The following AFF1 variants were observed in gnomAD, a reference collection of about 807,000 sequenced individuals.
AFF1 encodes AF4/FMR2 family member 1.
AFF1 carries 48 observed loss-of-function variants against 121.7 expected under a neutral mutation model. That is an observed-to-expected ratio of 0.39 (90% CI 0.31 to 0.50). The LOEUF (loss-of-function observed/expected upper bound fraction) is 0.50, where lower values mean the gene tolerates loss of function less well. AFF1 is among the 20% of genes least tolerant of loss of function. AFF1 has a pLI of 0.76. For synonymous variants in AFF1, 613 were observed against 563.0 expected (o/e 1.09, Z -1.26); for missense variants, 1,523 against 1,511.7 (o/e 1.01, Z -0.12).
intron 5 of AFF1, among the ~76,000 whole-genome samples, chr4:87,085,818 A>C (rs1268183059): frequency 6.6e-6 from 1 of 150,602 alleles, no homozygotes; most frequent in Non-Finnish European, 1.5e-5. Flanking sequence ...TGGCCACTGC[A>C]ATCTCCACCT....
rs906975716 is a variant in AFF1 at position 87,136,572 on chromosome 4, C to G, written c.*871C>G. ...CAGGGCAGTCACTGTTGACTCTATT[C>G]TGAATTTCCTCCCTTGGGGAAGAAG... On this transcript the variant is annotated 3_prime_UTR_variant, in exon 21 of 21. Coordinates refer to ENST00000395146, the MANE Select transcript of AFF1 (RefSeq NM_001166693.3). 8.6e-6 allele frequency: 2 copies of G among 231,434 alleles called. No individual in the cohort carries two copies. The highest frequency in any genetic ancestry group is 4.4e-5 in the African/African-American group (2 of 45,224). The allele number at this position is 231,434 out of a possible 1,614,324, so 14.3% of individuals were successfully genotyped here. A position where few individuals can be genotyped will look rare whatever the true frequency, so the allele number is the denominator to read the frequency against.
chr4:87,028,458 A>G (rs187659993), intron 2 of AFF1, among the ~76,000 whole-genome samples: 4 of 152,234 alleles, frequency 2.6e-5, no homozygotes, highest in South Asian at 4.1e-4. Flanking sequence ...TGGGAAGATG[A>G]TTAGAAGAAG....
rs200864767 is a variant in AFF1, at chr4:87,047,227, C to A, written c.692C>A (p.Thr231Lys). The change falls in exon 4 of 21, where the codon ACG becomes AAG. Residue 231 changes from threonine to lysine, a missense_variant. Thr to Lys is a moderately conservative substitution (Grantham distance 78). Transcript: ENST00000395146. The stretch of plus-strand genomic sequence containing the variant: ...TCCAACCAGCAAACTCTTCCCCGGA[C>A]GCAAGGAAGCAGCAAGGTTCATGGC... The part of the protein sequence containing the change: ...IHSNQQTLPR[T>K]QGSSKVHGSS... 6.2e-7 allele frequency: 1 copy of A among 1,614,164 alleles called. No individual in the cohort carries two copies. Among genetic ancestry groups the A allele is most frequent in the Non-Finnish European group, 8.5e-7 (1 of 1,180,024 alleles).
chr4:86,947,829 T>TTG (rs10668124), intron 1 of AFF1, among the ~76,000 whole-genome samples: 3 of 151,532 alleles, frequency 2.0e-5, no homozygotes, highest in Non-Finnish European at 4.4e-5. Flanking sequence ...GTTTTTTTTT[T>TTG]GTTTTGATTA....
At chr4:87,099,002 T>C (rs1725150493) in intron 8 of AFF1, among the ~76,000 whole-genome samples, 1 of 152,196 alleles carries the variant, frequency 6.6e-6, no homozygotes, top group South Asian at 2.1e-4. Context: ...TAATATAAAA[T>C]TGTCACATCA....
Position 87,134,713 on chromosome 4 carries a change from G to A in AFF1, c.3535+19G>A, listed in dbSNP as rs1234430623. 5.0e-6 allele frequency: 8 copies of A among 1,587,600 alleles called. No individual in the cohort carries two copies. The Middle Eastern group carries it at 5.0e-4, about 99-fold the overall frequency. On this transcript the variant is annotated intron_variant, in intron 20 of 20. Coordinates refer to ENST00000395146, the MANE Select transcript of AFF1 (RefSeq NM_001166693.3). ...AATAAAGGTAAATAAATGGCTTTGT[G>A]GTGGTAATTACTGGGGTGTTTGGAT...
intron 2 of AFF1, among the ~76,000 whole-genome samples, chr4:86,949,230 A>C (rs1721092222): frequency 6.8e-6 from 1 of 147,608 alleles, no homozygotes. Context: ...GCTGGAGTGC[A>C]GTGGTGTGAC....
chr4:87,020,319 G>A (rs780808246), intron 2 of AFF1, among the ~76,000 whole-genome samples: 4 of 152,124 alleles, frequency 2.6e-5, no homozygotes, highest in Admixed American at 6.5e-5. Context: ...AAGAAAGAAC[G>A]TATTTGCTTT....
rs761500677 is a variant in AFF1, at chr4:87,134,610, T to G, written c.3451T>G (p.Ser1151Ala). The change falls in exon 20 of 21, where the codon TCT becomes GCT. Residue 1151 changes from serine to alanine, a missense_variant. Physicochemically the swap from Ser to Ala is moderately conservative, Grantham distance 99. This residue lies in a region of AFF1 where 241 missense variants were observed against 265.2 expected (regional missense o/e 0.91). Transcript: ENST00000395146. ...STPVTIQNMT[S>A]SYVTITSHVL... ...CCCAGTCACCATCCAGAATATGACA[T>G]CTTCCTATGTCACCATCACATCCCA... is the stretch of plus-strand genomic sequence containing the variant. 3.7e-6 allele frequency: 6 copies of G among 1,614,074 alleles called. No individual in the cohort carries two copies. The highest frequency in any genetic ancestry group is 1.6e-4 in the Middle Eastern group (1 of 6,084).
At chr4:86,948,666 T>G in intron 2 of AFF1, 95 bp downstream of exon 2, 2 of 1,230,790 alleles carry the variant, frequency 1.6e-6, no homozygotes, top group Non-Finnish European at 2.2e-6. Flanking sequence ...ATTTTGCAAC[T>G]TAAGAACTCA....
intron 12 of AFF1, among the ~76,000 whole-genome samples, chr4:87,115,957 C>T (rs1263708789): frequency 2.6e-5 from 4 of 152,076 alleles, no homozygotes; most frequent in African/African-American, 9.7e-5. Context: ...TACCACCTGA[C>T]CCATTAGGTT....
At chr4:87,022,662 G>GTGTGTGTATATATAGC (rs1553918502) in intron 2 of AFF1, among the ~76,000 whole-genome samples, 1 of 74,106 alleles carries the variant, frequency 1.3e-5, no homozygotes, top group African/African-American at 4.3e-5. Context: ...GTATATATAT[G>GTGTGTGTATATATAGC]TGTGTGTATA....
chr4:86,948,434 C>T (rs923212396), intron 1 of AFF1, 64 bp from the exon 2 acceptor site: 1 of 1,090,214 alleles, frequency 9.2e-7, no homozygotes. Flanking sequence ...TCTTACAGGT[C>T]ATGCGTATCC....
chr4:87,112,875 C>T (rs1284759292), intron 11 of AFF1, among the ~76,000 whole-genome samples: 1 of 152,160 alleles, frequency 6.6e-6, no homozygotes, highest in African/African-American at 2.4e-5. Flanking sequence ...GACATAAGGA[C>T]AGCGATGTAT....
At chr4:87,119,124 A>T (rs898984112) in intron 12 of AFF1, among the ~76,000 whole-genome samples, 2 of 152,140 alleles carry the variant, frequency 1.3e-5, no homozygotes, top group African/African-American at 4.8e-5. Context: ...CTCCTGCCTC[A>T]CTGGGGTTAC....
chr4:86,990,060 A>G (rs1724578696), intron 2 of AFF1, among the ~76,000 whole-genome samples: 1 of 152,020 alleles, frequency 6.6e-6, no homozygotes, highest in Admixed American at 6.6e-5. Context: ...TAGCATTAGG[A>G]GAAATACCCA....
At chr4:87,023,255 G>T (rs900221257) in intron 2 of AFF1, among the ~76,000 whole-genome samples, 1 of 152,126 alleles carries the variant, frequency 6.6e-6, no homozygotes, top group African/African-American at 2.4e-5. Context: ...ATTAGCTGGG[G>T]AAGAATTCTG....
intron 2 of AFF1, among the ~76,000 whole-genome samples, chr4:87,014,972 G>T (rs1406524580): frequency 6.6e-6 from 1 of 152,126 alleles, no homozygotes. Flanking sequence ...TTTCTAAGAT[G>T]GCCTATTTAG....
intron 11 of AFF1, among the ~76,000 whole-genome samples, chr4:87,111,447 G>A (rs541977976): frequency 5.3e-5 from 8 of 151,474 alleles, no homozygotes; most frequent in South Asian, 2.1e-4. Context: ...TCTGCCTCCC[G>A]GGTTCAAGTG....
Sources: gnomAD v4.1 joint callset for allele counts (sites outside exome capture counted in the v4.1 genomes callset) on GRCh38, gnomAD v4.1.1 for gene constraint, gnomAD v4.1.1 regional missense constraint, MANE v1.5 for transcripts, NCBI Gene and HGNC (gene_info 2026-07-23, HGNC 2026-07-21) for gene names.